Variants in SLC26A5 observed in about 807,000 individuals in gnomAD.
SLC26A5 encodes the protein prestin.
SLC26A5 carries 51 observed loss-of-function variants against 81.0 expected under a neutral mutation model. The observed-to-expected ratio is 0.63, with a 90% CI of 0.50 to 0.80. The LOEUF is 0.80. Ranked by LOEUF, SLC26A5 falls within the 30% of genes least tolerant of loss-of-function variation. The pLI is 0.00. For synonymous variants in SLC26A5, 325 were observed against 332.8 expected, an observed-to-expected ratio of 0.98 and a Z score of 0.25; for missense variants, 771 against 905.8, an observed-to-expected ratio of 0.85 and a Z score of 1.91.
chr7:103,445,597 C>T (rs1487116711), intron 1 of SLC26A5: 3 of 152,276 alleles, frequency 2.0e-5, no homozygotes, highest in African/African-American at 7.2e-5. Context: ...GGCCCAGTTT[C>T]GGGACCACAG....
chr7:103,373,447 A>C (rs1016201731), downstream of SLC26A5, among the ~76,000 whole-genome samples: 2 of 152,216 alleles, frequency 1.3e-5, no homozygotes, highest in African/African-American at 2.4e-5. Context: ...CAATATAAAA[A>C]CAAGTTAAAC....
At chr7:103,374,677 T>G (rs74932238) in intron 19 of SLC26A5, 85 bp from the exon 20 acceptor site, 23 of 771,784 alleles carry the variant, frequency 3.0e-5, no homozygotes, top group East Asian at 2.8e-4. Flanking sequence ...CCATATAGTG[T>G]TTTTTTTTTT....
At position 103,380,472 on chromosome 7, in the gene SLC26A5, G is replaced by T. The variant is rs774382160; in HGVS notation, c.1584+8C>A. 6.2e-7 allele frequency: 1 copy of T among 1,611,368 alleles called. No homozygotes were observed. The highest frequency in any genetic ancestry group is 8.5e-7 in the Non-Finnish European group (1 of 1,177,650). On this transcript the variant is annotated splice_region_variant and intron_variant, in intron 15 of 19. Transcript: ENST00000306312. ...ACAACCTTTTTAAGTGATAGAAAAA[G>T]GTCCTACCTCCTCATATGCGTCTAT...
At chr7:103,382,745 C>T (rs1563520218) in intron 14 of SLC26A5, among the ~76,000 whole-genome samples, 1 of 152,028 alleles carries the variant, frequency 6.6e-6, no homozygotes, top group Non-Finnish European at 1.5e-5. Context: ...GTTATTATAT[C>T]CTTTGAACAA....
chr7:103,368,060 GA>G, intron 19 of SLC26A5: 1 of 1,593,820 alleles, frequency 6.3e-7, no homozygotes, highest in Non-Finnish European at 8.6e-7. Flanking sequence ...ACTGAACCCT[GA>G]AGGCTTTCAA....
At chr7:103,402,732 A>G (rs1823709447) in intron 8 of SLC26A5, among the ~76,000 whole-genome samples, 2 of 151,584 alleles carry the variant, frequency 1.3e-5, no homozygotes. Flanking sequence ...CAGTGGTGAT[A>G]TCCCCTTTCT....
At chr7:103,411,695 A>C in intron 5 of SLC26A5, 109 bp from the exon 6 acceptor site, 1 of 1,207,330 alleles carries the variant, frequency 8.3e-7, no homozygotes, top group Non-Finnish European at 1.2e-6. Flanking sequence ...TGCTTGAAGG[A>C]AGGCTACGCT....
intron 19 of SLC26A5, among the ~76,000 whole-genome samples, chr7:103,361,413 G>A (rs1256311962): frequency 1.3e-5 from 2 of 150,206 alleles, no homozygotes; most frequent in African/African-American, 4.9e-5. Flanking sequence ...GGGAGGCTGA[G>A]GCAGGAGAAT....
Position 103,374,503 on chromosome 7 carries a change from A to G in SLC26A5, c.2131T>C (p.Leu711=). The G allele has an allele frequency of 6.2e-7, 1 of 1,613,962 alleles. No homozygotes were observed. Among genetic ancestry groups the G allele is most frequent in the Non-Finnish European group, 8.5e-7 (1 of 1,180,010 alleles). ...LLFHSIHDAV[L]GSQLREALAE... Reference sequence around the variant, plus strand: ...AGTGCCTCTCTAAGTTGGCTGCCTAAAACTGCATCATGAATGCTGTGGAAC... The same window carrying G: ...AGTGCCTCTCTAAGTTGGCTGCCTAGAACTGCATCATGAATGCTGTGGAAC... The change falls in exon 20 of 20, where the codon TTA becomes CTA. Residue 711 remains leucine, a synonymous_variant. Coordinates refer to ENST00000306312, the MANE Select transcript of SLC26A5 (RefSeq NM_198999.3).
intron 1 of SLC26A5, chr7:103,445,176 A>G (rs1328361387): frequency 6.6e-6 from 1 of 152,164 alleles, no homozygotes; most frequent in Non-Finnish European, 1.5e-5. Context: ...CGAAGCTAGG[A>G]AAAGAATTTT....
chr7:103,357,689 C>G (rs1820116210), intron 19 of SLC26A5, among the ~76,000 whole-genome samples: 1 of 152,186 alleles, frequency 6.6e-6, no homozygotes, highest in African/African-American at 2.4e-5. Context: ...AAACACTATT[C>G]ACAAAGAGCC....
downstream of SLC26A5, chr7:103,374,155 A>G (rs1037446975): frequency 3.9e-6 from 5 of 1,283,862 alleles, no homozygotes; most frequent in African/African-American, 6.0e-5. Context: ...CAAAGATAAT[A>G]CTAGAATGTA....
intron 5 of SLC26A5, among the ~76,000 whole-genome samples, 173 bp from the exon 6 acceptor site, chr7:103,411,759 T>C (rs1489512456): frequency 6.6e-6 from 1 of 152,220 alleles, no homozygotes; most frequent in Non-Finnish European, 1.5e-5. Context: ...TGTGCGTGTG[T>C]GCGCATGCAG....
chr7:103,362,880 G>C (rs1820494869), intron 19 of SLC26A5: 1 of 712,722 alleles, frequency 1.4e-6, no homozygotes, highest in South Asian at 1.8e-5. Context: ...TGCAACCTCT[G>C]CCTCCCGGGT....
rs1324762562 is a variant in SLC26A5, at chr7:103,421,547, A to G, written c.-33T>C. 6.2e-7 allele frequency: 1 copy of G among 1,611,938 alleles called. No individual in the cohort carries two copies. The highest frequency in any genetic ancestry group is 8.5e-7 in the Non-Finnish European group (1 of 1,178,750). On this transcript the variant is annotated 5_prime_UTR_variant, in exon 3 of 20. Coordinates refer to ENST00000306312, the MANE Select transcript of SLC26A5 (RefSeq NM_198999.3). ...TGAAATTATTCCTTAACAGCCGGAG[A>G]CAAGCATTTCCTGAGTGTCACTAGG...
At chr7:103,418,784 T>C (rs1357792418) in intron 4 of SLC26A5, among the ~76,000 whole-genome samples, 1 of 152,148 alleles carries the variant, frequency 6.6e-6, no homozygotes, top group Non-Finnish European at 1.5e-5. Flanking sequence ...TTGCCTACCA[T>C]GAGCTGCTGT....
chr7:103,397,142 T>C (rs1181503575), intron 9 of SLC26A5, among the ~76,000 whole-genome samples: 1 of 137,466 alleles, frequency 7.3e-6, no homozygotes, highest in East Asian at 2.3e-4. Context: ...CTCACACCTG[T>C]AATCCCAGCA....
chr7:103,373,867 T>A (rs1489326030), downstream of SLC26A5, among the ~76,000 whole-genome samples: 2 of 152,234 alleles, frequency 1.3e-5, no homozygotes, highest in African/African-American at 2.4e-5. Flanking sequence ...TTTTATGTTC[T>A]TATTTTTGCT....
chr7:103,354,404 T>C (rs1819913927), intron 19 of SLC26A5, among the ~76,000 whole-genome samples: 2 of 151,022 alleles, frequency 1.3e-5, no homozygotes, highest in African/African-American at 4.9e-5. Context: ...GTGTTGCTCT[T>C]GTCACCCAGG....
Sources: allele counts gnomAD v4.1 joint callset (sites outside exome capture counted in the v4.1 genomes callset), GRCh38; gene constraint gnomAD v4.1.1; transcripts MANE v1.5; gene names NCBI Gene and HGNC (gene_info 2026-07-23, HGNC 2026-07-21).